Variants in SRPX observed in about 807,000 individuals in gnomAD.
The protein encoded by SRPX is sushi repeat containing protein X-linked.
Under a neutral mutation model 38.1 loss-of-function variants are expected in SRPX, and 24 were observed. That is an observed-to-expected ratio of 0.63 (90% confidence interval 0.46 to 0.89). The LOEUF (loss-of-function observed/expected upper bound fraction) is 0.89, where lower values mean the gene tolerates loss of function less well. Ranked by LOEUF, SRPX falls within the 40% of genes least tolerant of loss-of-function variation. SRPX has a pLI of 0.00. For missense variants in SRPX, 416 were observed against 377.8 expected (o/e 1.10, Z -0.84); for synonymous variants, 184 against 153.8 (o/e 1.20, Z -1.45).
At chrX:38,199,189 G>A (rs1160787781) in intron 1 of SRPX, among the ~76,000 whole-genome samples, 6 of 105,951 alleles carry the variant, frequency 5.7e-5, no homozygotes, top group African/African-American at 2.1e-4. Context: ...GGTGGATCAC[G>A]AGGTCAGGAG....
At chrX:38,190,666 G>A (rs1049647459) in intron 1 of SRPX, among the ~76,000 whole-genome samples, 1 of 111,620 alleles carries the variant, frequency 9.0e-6, no homozygotes, top group Middle Eastern at 4.6e-3. Context: ...CTAAGCTGAC[G>A]GCAATTCTAG....
At chrX:38,179,886 C>T (rs1462791590) in intron 1 of SRPX, among the ~76,000 whole-genome samples, 1 of 111,522 alleles carries the variant, frequency 9.0e-6, no homozygotes, top group African/African-American at 3.3e-5. Flanking sequence ...GGGAGAATTA[C>T]TTGAGCCCAG....
chrX:38,205,750 A>G (rs1221103670), intron 1 of SRPX, among the ~76,000 whole-genome samples: 1 of 112,517 alleles, frequency 8.9e-6, no homozygotes, highest in Non-Finnish European at 1.9e-5. Context: ...ACTTCTATGA[A>G]CTTTCAATGA....
chrX:38,152,264 C>T (rs1460457764), intron 9 of SRPX, among the ~76,000 whole-genome samples: 1 of 112,215 alleles, frequency 8.9e-6, no homozygotes. Context: ...GGCATGCCGG[C>T]CTGACACAGA....
intron 1 of SRPX, among the ~76,000 whole-genome samples, chrX:38,195,560 A>T (rs1938984965): frequency 9.0e-6 from 1 of 111,603 alleles, no homozygotes; most frequent in Non-Finnish European, 1.9e-5. Flanking sequence ...AGAAGTTCTT[A>T]AAAATTACCA....
chrX:38,216,616 G>T (rs1048342196), intron 1 of SRPX, among the ~76,000 whole-genome samples: 4 of 112,401 alleles, frequency 3.6e-5, no homozygotes, highest in Admixed American at 1.9e-4. Flanking sequence ...TATTATTCAC[G>T]CTGCTATTTT....
chrX:38,173,650 G>A (rs1364450080), intron 3 of SRPX, among the ~76,000 whole-genome samples: 3 of 111,121 alleles, frequency 2.7e-5, no homozygotes, highest in Admixed American at 9.5e-5. Flanking sequence ...GGGTTTCACC[G>A]TGTTGCTCAG....
chrX:38,149,741 T>C lies in SRPX; in HGVS notation c.1365A>G (p.Gln455=), dbSNP rs763298583. The C allele has an allele frequency of 1.3e-5, 16 of 1,209,569 alleles. No individual in the cohort carries two copies. The Admixed American group carries it at 2.4e-4, about 18-fold the overall frequency. Residue 455 remains glutamine (Q), a synonymous_variant, in exon 10 of 10, where the codon CAA becomes CAG. Transcript: ENST00000378533. ...FPLRKEEMVL[Q]AEMSQTCNT ...TGTTACAGGTCTGGCTCATTTCGGCTTGTAGGACCATCTCTTCTTTTCTCA... is the reference window on the plus strand; with the variant it reads ...TGTTACAGGTCTGGCTCATTTCGGCCTGTAGGACCATCTCTTCTTTTCTCA...
At chrX:38,171,025 C>T (rs1291055849) in intron 4 of SRPX, among the ~76,000 whole-genome samples, 2 of 81,773 alleles carry the variant, frequency 2.4e-5, no homozygotes, top group African/African-American at 8.2e-5. Context: ...AAACATCCTG[C>T]AAACAAAAAA....
chrX:38,209,236 T>G (rs1315608937), intron 1 of SRPX, among the ~76,000 whole-genome samples: 1 of 110,768 alleles, frequency 9.0e-6, no homozygotes, highest in South Asian at 3.9e-4. Context: ...CTATTTTCAC[T>G]GAAAATCAAG....
intron 5 of SRPX, among the ~76,000 whole-genome samples, chrX:38,161,653 A>G (rs1040580862): frequency 8.9e-6 from 1 of 111,803 alleles, no homozygotes; most frequent in African/African-American, 3.3e-5. Flanking sequence ...GCATGGTTCT[A>G]GGCATTTTGC....
intron 4 of SRPX, among the ~76,000 whole-genome samples, chrX:38,171,364 G>T (rs1017383052): frequency 9.0e-6 from 1 of 111,455 alleles, no homozygotes; most frequent in Non-Finnish European, 1.9e-5. Flanking sequence ...CTTAGACCAG[G>T]AGATGCTACT....
rs1001324864 is a variant in SRPX at position 38,208,512 on chromosome X, T to A, written c.97+12184A>T. Among the ~76,000 whole-genome samples, 12 of 112,268 alleles carry A rather than the reference T, an allele frequency of 1.1e-4. No homozygotes were observed. In the Admixed American group the frequency reaches 1.1e-3, roughly 11 times the overall value. On this transcript the variant is annotated intron_variant, in intron 1 of 9. Coordinates refer to ENST00000378533, the MANE Select transcript of SRPX (RefSeq NM_006307.5). ...TGTAGCAATACATTCCTTTTTTACC[T>A]TTTTTGTTTAAGAATCGTAAGCACA...
chrX:38,159,334 T>C (rs760001767), intron 7 of SRPX, among the ~76,000 whole-genome samples: 2 of 112,281 alleles, frequency 1.8e-5, no homozygotes, highest in Non-Finnish European at 3.8e-5. Flanking sequence ...GGGCTTCAAT[T>C]AAAAGAAAGT....
chrX:38,191,850 A>G (rs189685329), intron 1 of SRPX, among the ~76,000 whole-genome samples: 206 of 112,309 alleles, frequency 1.8e-3, no homozygotes, highest in Admixed American at 0.017. Context: ...CACCTTATCT[A>G]GAACTCCCAA....
At chrX:38,156,655 T>C (rs754516368) in intron 8 of SRPX, among the ~76,000 whole-genome samples, 7 of 112,430 alleles carry the variant, frequency 6.2e-5, no homozygotes, top group Non-Finnish European at 1.3e-4. Context: ...TCAATTAGAC[T>C]TATTGGTGAA....
At chrX:38,160,832 CCCA>C (rs1427758964) in intron 6 of SRPX, 98 bp downstream of exon 6, 13 of 1,034,837 alleles carry the variant, frequency 1.3e-5, no homozygotes, top group African/African-American at 3.8e-5. Flanking sequence ...TGGCAAGTCT[CCCA>C]CCACAGTAGG....
rs757437180 is a variant in SRPX, at chrX:38,181,421, G to A, written c.98-3077C>T. On this transcript the variant is annotated intron_variant, in intron 1 of 9. Coordinates refer to ENST00000378533, the MANE Select transcript of SRPX (RefSeq NM_006307.5). ...GGGTCTACTTTTAGTGATTTGGAAG[G>A]AATCAAAGGGAAGGAACTCTTTTCT... Among the ~76,000 whole-genome samples, 10 of 112,330 alleles carry A rather than the reference G, an allele frequency of 8.9e-5. No homozygotes were observed. In the East Asian group the frequency reaches 2.5e-3, roughly 28 times the overall value.
At chrX:38,179,164 G>A (rs972495947) in intron 1 of SRPX, among the ~76,000 whole-genome samples, 5 of 110,432 alleles carry the variant, frequency 4.5e-5, no homozygotes, top group African/African-American at 6.6e-5. Flanking sequence ...CAGGCTGGTC[G>A]CGAACTCCCG....
Sources: gnomAD v4.1 joint callset for allele counts (sites outside exome capture counted in the v4.1 genomes callset) on GRCh38, gnomAD v4.1.1 for gene constraint, MANE v1.5 for transcripts, NCBI Gene and HGNC (gene_info 2026-07-23, HGNC 2026-07-21) for gene names.